The following CCDC88C variants were observed in gnomAD, a reference collection of about 807,000 sequenced individuals.
The protein encoded by CCDC88C is protein Daple.
CCDC88C carries 131 observed loss-of-function variants against 198.8 expected under a neutral mutation model. That is an observed-to-expected ratio of 0.66 (90% CI 0.57 to 0.76). The LOEUF (loss-of-function observed/expected upper bound fraction) is 0.76. Among genes scored for constraint, CCDC88C ranks in the 30% least tolerant of loss-of-function variants. CCDC88C has a pLI of 0.00. For missense variants in CCDC88C, 2,553 were observed against 2,631.6 expected (o/e 0.97, Z 0.65); for synonymous variants, 1,166 against 1,114.7 (o/e 1.05, Z -0.92).
At chr14:91,316,271 T>G (rs1892092468) in intron 13 of CCDC88C, among the ~76,000 whole-genome samples, 1 of 152,224 alleles carries the variant, frequency 6.6e-6, no homozygotes, top group Non-Finnish European at 1.5e-5. Flanking sequence ...TTGTCTGGCC[T>G]GGACAGCCAC....
intron 29 of CCDC88C, among the ~76,000 whole-genome samples, chr14:91,274,946 C>T (rs1210358239): frequency 1.3e-5 from 2 of 152,162 alleles, no homozygotes; most frequent in Non-Finnish European, 2.9e-5. Context: ...CACCTCAGAG[C>T]CTTTGATACC....
chr14:91,307,795 C>T (rs769306407), intron 17 of CCDC88C, among the ~76,000 whole-genome samples: 10 of 152,160 alleles, frequency 6.6e-5, no homozygotes, highest in Non-Finnish European at 1.0e-4. Flanking sequence ...GGAGTGTGCA[C>T]ACACGTGGTG....
At position 91,273,730 on chromosome 14, in the gene CCDC88C, G is replaced by A. The variant is rs1176039995; in HGVS notation, c.5059-77C>T. On this transcript the variant is annotated intron_variant, in intron 29 of 29. Transcript: ENST00000389857. This position sits in a 1 kb window ranked among gnomAD's most constrained non-coding sequence, Gnocchi z 5.6. ...CTTGGAGCCGCCTCCTGCGCGGGAC[G>A]CCCCCGAGCAGCCCACGTGGCTGGG... 19 of 1,280,218 alleles carry A rather than the reference G, an allele frequency of 1.5e-5. No homozygotes were observed. In the Admixed American group the frequency reaches 2.6e-4, roughly 17 times the overall value. 79.3% of individuals were successfully genotyped at this position (1,280,218 alleles called of 1,614,324 possible).
In CCDC88C at chr14:91,304,975, G is replaced by T. The variant is rs116064833; in HGVS notation, c.3357+790C>A. On this transcript the variant is annotated intron_variant, in intron 19 of 29. Coordinates refer to ENST00000389857, the MANE Select transcript of CCDC88C (RefSeq NM_001080414.4). ...TTGCAATAAAAAGCCAGGTGTGGTGGCTCACGCCTGTAATCCCAGCACTTT... is the reference window on the plus strand; with the variant it reads ...TTGCAATAAAAAGCCAGGTGTGGTGTCTCACGCCTGTAATCCCAGCACTTT... Among the ~76,000 whole-genome samples the T allele has an allele frequency of 4.1e-3, 623 of 152,298 alleles. 4 individuals are homozygous for T. The highest frequency in any genetic ancestry group is 0.015 in the African/African-American group (604 of 41,548).
chr14:91,409,669 G>T (rs1409427705), intron 2 of CCDC88C, among the ~76,000 whole-genome samples: 2 of 148,864 alleles, frequency 1.3e-5, no homozygotes, highest in African/African-American at 5.0e-5. Context: ...TGTATTTTTA[G>T]TAAAGACAGG....
rs1312394098 is a variant in CCDC88C, at chr14:91,288,350, C to CAGGCTGA, written c.4441+748_4441+754dup. On this transcript the variant is annotated intron_variant, in intron 25 of 29. Transcript: ENST00000389857. The surrounding 1 kb of genome is among the most constrained non-coding windows in gnomAD (Gnocchi z 4.2). ...TGGCTGGTGGGACACAAGGCCAGAT[C>CAGGCTGA]AGGCTGAAGAAGTCCTAACCCACCT... 6.6e-6 allele frequency among the ~76,000 whole-genome samples: 1 copy of CAGGCTGA among 152,200 alleles called. No homozygotes were observed. The highest frequency in any genetic ancestry group is 1.5e-5 in the Non-Finnish European group (1 of 68,040).
Position 91,289,163 on chromosome 14 carries a change from G to C in CCDC88C, c.4383C>G (p.Pro1461=), listed in dbSNP as rs374856540. ...CTTCTGCACAGTTGGAGCCCAGTGCGGGGGTGTCGGGGTTCTCGGCCTGTG... is the reference window on the plus strand; with the variant it reads ...CTTCTGCACAGTTGGAGCCCAGTGCCGGGGTGTCGGGGTTCTCGGCCTGTG... ...LRSQAENPDT[P]ALGSNCAEER... Residue 1461 remains proline (P), a synonymous_variant, in exon 25 of 30, where the codon CCC becomes CCG. Transcript: ENST00000389857. 134 of 1,613,636 alleles carry C rather than the reference G, an allele frequency of 8.3e-5. No individual in the cohort carries two copies. Among genetic ancestry groups the C allele is most frequent in the Non-Finnish European group, 1.1e-4 (125 of 1,179,870 alleles).
At chr14:91,344,304 C>CTA (rs1326992089) in intron 4 of CCDC88C, among the ~76,000 whole-genome samples, 1 of 152,118 alleles carries the variant, frequency 6.6e-6, no homozygotes, top group Non-Finnish European at 1.5e-5. Context: ...TGAGTCAACG[C>CTA]TAAAATAAGG....
In CCDC88C at chr14:91,288,621, T is replaced by C. The variant is rs1890522206; in HGVS notation, c.4441+484A>G. The C allele has an allele frequency of 6.5e-6, 1 of 153,344 alleles. No individual in the cohort carries two copies. The highest frequency in any genetic ancestry group is 1.4e-5 in the Non-Finnish European group (1 of 69,262). The allele number at this position is 153,344 out of a possible 1,614,324, so 9.5% of individuals were successfully genotyped here. On this transcript the variant is annotated intron_variant, in intron 25 of 29. Transcript: ENST00000389857. The surrounding 1 kb of genome is among the most constrained non-coding windows in gnomAD (Gnocchi z 4.2). The stretch of plus-strand genomic sequence containing the variant: ...ACCTTTTGTTCTAAAACAACAAAAG[T>C]GGTTGGGCGTGGCAGCTCACGCCTG...
In CCDC88C at chr14:91,325,664, C is replaced by A. The variant is rs1463104257; in HGVS notation, c.1197+246G>T. 6.6e-6 allele frequency among the ~76,000 whole-genome samples: 1 copy of A among 152,124 alleles called. No homozygotes were observed. The highest frequency in any genetic ancestry group is 1.5e-5 in the Non-Finnish European group (1 of 68,034). ...TGATCACGGCTCACTGCAGCCTCAACCTCCCAGGCTCAAGCAACCCTCCTG... is the reference window on the plus strand; with the variant it reads ...TGATCACGGCTCACTGCAGCCTCAAACTCCCAGGCTCAAGCAACCCTCCTG... On this transcript the variant is annotated intron_variant, in intron 11 of 29. Coordinates refer to ENST00000389857, the MANE Select transcript of CCDC88C (RefSeq NM_001080414.4). The surrounding 1 kb of genome is among the most constrained non-coding windows in gnomAD (Gnocchi z 4.1).
Position 91,300,122 on chromosome 14 carries a change from C to T in CCDC88C, c.3636-52G>A, listed in dbSNP as rs375568902. The T allele has an allele frequency of 7.4e-5, 116 of 1,575,452 alleles. No individual in the cohort carries two copies. The African/African-American group carries it at 1.4e-3, about 19-fold the overall frequency. On this transcript the variant is annotated intron_variant, in intron 20 of 29. Coordinates refer to ENST00000389857, the MANE Select transcript of CCDC88C (RefSeq NM_001080414.4). ...GTCTGGCCAGGGCCTTCTTTTCCGA[C>T]AGGTAACTCACATCCCAGAGGATCT...
intron 10 of CCDC88C, among the ~76,000 whole-genome samples, chr14:91,329,628 C>T (rs1892728614): frequency 6.6e-6 from 1 of 152,256 alleles, no homozygotes; most frequent in Non-Finnish European, 1.5e-5. Context: ...GACAGTCATT[C>T]CCATCCCAGG....
At position 91,339,284 on chromosome 14, in the gene CCDC88C, TG is replaced by T. The variant is rs1893199739; in HGVS notation, c.802del (p.Gln268ArgfsTer34). 6.2e-7 allele frequency: 1 copy of T among 1,612,418 alleles called. No homozygotes were observed. The highest frequency in any genetic ancestry group is 1.3e-5 in the African/African-American group (1 of 74,898). On this transcript the variant is annotated frameshift_variant, in exon 8 of 30. Transcript: ENST00000389857. LOFTEE classifies it high-confidence loss of function. This position sits in a 1 kb window ranked among gnomAD's most constrained non-coding sequence, Gnocchi z 5.8. ...DTKARLRRVR[Q>X]ELEDKTEQLV... is the part of the protein sequence containing the mutation. Reference sequence around the variant, plus strand: ...GAAGCAGCCGGGGACTCACAGCTCCTGCCTGACGCGCCGCAGCCTGGCCTTG... The same window carrying T: ...GAAGCAGCCGGGGACTCACAGCTCCTCCTGACGCGCCGCAGCCTGGCCTTG...
At chr14:91,406,402 G>A (rs1294619644) in intron 3 of CCDC88C, among the ~76,000 whole-genome samples, 1 of 152,158 alleles carries the variant, frequency 6.6e-6, no homozygotes. Flanking sequence ...CACAGTGCAG[G>A]AGGAGGGAGG....
chr14:91,294,040 G>C, intron 23 of CCDC88C, 133 bp downstream of exon 23: 2 of 920,686 alleles, frequency 2.2e-6, no homozygotes, highest in South Asian at 3.2e-5. Context: ...GCTGGTGATC[G>C]GTCTGTGCCC....
chr14:91,397,563 C>T (rs1376474930), intron 3 of CCDC88C, among the ~76,000 whole-genome samples: 1 of 152,248 alleles, frequency 6.6e-6, no homozygotes, highest in Non-Finnish European at 1.5e-5. Flanking sequence ...TCAAACCCAC[C>T]TTTCGCCCTC....
At chr14:91,388,246 G>T (rs1243932516) in intron 3 of CCDC88C, among the ~76,000 whole-genome samples, 3 of 152,212 alleles carry the variant, frequency 2.0e-5, no homozygotes, top group Non-Finnish European at 4.4e-5. Flanking sequence ...TGTATGACCA[G>T]ATTTCTGTCA....
rs558376501 is a variant in CCDC88C, at chr14:91,284,047, A to T, written c.4442-530T>A. ...GCATGGTGAGACGAACTGCAAGAAA[A>T]TTTTTACCTTGTGTCTTGTGCTTTT... On this transcript the variant is annotated intron_variant, in intron 25 of 29. Coordinates refer to ENST00000389857, the MANE Select transcript of CCDC88C (RefSeq NM_001080414.4). The surrounding 1 kb of genome is among the most constrained non-coding windows in gnomAD (Gnocchi z 4.1). Among the ~76,000 whole-genome samples, 161 of 152,324 alleles carry T rather than the reference A, an allele frequency of 1.1e-3. No individual in the cohort carries two copies. The highest frequency in any genetic ancestry group is 3.7e-3 in the African/African-American group (153 of 41,570).
At chr14:91,309,465 G>A (rs1209433643) in intron 16 of CCDC88C, among the ~76,000 whole-genome samples, 5 of 152,086 alleles carry the variant, frequency 3.3e-5, no homozygotes, top group African/African-American at 9.7e-5. Flanking sequence ...TTAGCCAGGT[G>A]TGGCGGTGCA....
Sources: allele counts gnomAD v4.1 joint callset (sites outside exome capture counted in the v4.1 genomes callset), GRCh38; gene constraint gnomAD v4.1.1; non-coding constraint Gnocchi (gnomAD v3.1); transcripts MANE v1.5; gene names NCBI Gene and HGNC (gene_info 2026-07-23, HGNC 2026-07-21).